Variants in ARHGAP35 observed in about 807,000 individuals in gnomAD.
The protein encoded by ARHGAP35 is Rho GTPase activating protein 35.
In ARHGAP35, 15 loss-of-function variants were observed where a neutral mutation model predicts 111.1. The observed-to-expected ratio is 0.13, with a 90% CI of 0.09 to 0.21. The LOEUF is 0.21. Ranked by LOEUF, ARHGAP35 falls within the 10% of genes least tolerant of loss-of-function variation. The pLI is 1.00. For synonymous variants in ARHGAP35, 643 were observed against 710.3 expected, an observed-to-expected ratio of 0.91 and a Z score of 1.51; for missense variants, 1,262 against 1,873.0, an observed-to-expected ratio of 0.67 and a Z score of 6.02.
chr19:46,869,095 T>A (rs415643), intron 1 of ARHGAP35, among the ~76,000 whole-genome samples: 143,460 of 151,638 alleles, frequency 0.95, 68,053 homozygotes, highest in African/African-American at 0.99. Context: ...TTTAGCAGAG[T>A]CGGGTTTCAC....
In ARHGAP35 at chr19:46,919,180, G is replaced by C; in HGVS notation, c.505G>C (p.Gly169Arg). 1 of 1,613,880 alleles carries C rather than the reference G, an allele frequency of 6.2e-7. No individual in the cohort carries two copies. The highest frequency in any genetic ancestry group is 8.5e-7 in the Non-Finnish European group (1 of 1,179,894). Reference sequence around the variant, plus strand: ...TCTTCTTGGTATTGATGTTAGCAGGGGCATGAATAGGAACTTTGATGACCA... The same window carrying C: ...TCTTCTTGGTATTGATGTTAGCAGGCGCATGAATAGGAACTTTGATGACCA... ...GFLLGIDVSR[G>R]MNRNFDDQLK... is the part of the protein sequence containing the mutation. The change falls in exon 2 of 7, where the codon GGC becomes CGC. Residue 169 changes from glycine (G) to arginine (R), a missense_variant. This residue lies in a region of ARHGAP35 where 125 missense variants were observed against 301.7 expected (regional missense o/e 0.41). Transcript: ENST00000672722. The surrounding 1 kb of genome is among the most constrained non-coding windows in gnomAD (Gnocchi z 6.2).
intron 1 of ARHGAP35, among the ~76,000 whole-genome samples, chr19:46,871,186 G>A (rs1246837958): frequency 1.8e-4 from 28 of 152,092 alleles, no homozygotes; most frequent in Admixed American, 1.8e-3. Flanking sequence ...TTTTCTACTC[G>A]TGTTGTTAAT....
chr19:46,902,649 G>T (rs773357409), intron 1 of ARHGAP35, among the ~76,000 whole-genome samples: 2 of 152,164 alleles, frequency 1.3e-5, no homozygotes, highest in Non-Finnish European at 2.9e-5. Flanking sequence ...GTTACAGTCA[G>T]TAAGGAAAAT....
chr19:46,983,343 G>T (rs980927064), intron 3 of ARHGAP35, among the ~76,000 whole-genome samples: 5 of 152,154 alleles, frequency 3.3e-5, no homozygotes, highest in African/African-American at 1.2e-4. Context: ...GTCTGGAGGG[G>T]TTATTGTGAG....
intron 1 of ARHGAP35, among the ~76,000 whole-genome samples, chr19:46,869,673 GTTC>G (rs763896204): frequency 1.3e-5 from 2 of 152,078 alleles, no homozygotes; most frequent in African/African-American, 2.4e-5. Flanking sequence ...ATTAAAAAGA[GTTC>G]TTTGTTCAGT....
chr19:46,936,480 G>A (rs539379592), intron 2 of ARHGAP35, among the ~76,000 whole-genome samples: 4 of 152,036 alleles, frequency 2.6e-5, no homozygotes, highest in Admixed American at 2.6e-4. Flanking sequence ...TTCTCATTTG[G>A]GTCTATCAGC....
In ARHGAP35 at chr19:46,901,209, A is replaced by G. The variant is rs2056082072; in HGVS notation, c.-188-17279A>G. 6.6e-6 allele frequency among the ~76,000 whole-genome samples: 1 copy of G among 152,186 alleles called. No homozygotes were observed. The highest frequency in any genetic ancestry group is 1.5e-5 in the Non-Finnish European group (1 of 68,030). ...AAGGAAGGCTACAGTGGCTAGTGAG[A>G]AAAAGGCAGAATGGTGGAGATGAGA... On this transcript the variant is annotated intron_variant, in intron 1 of 6. Transcript: ENST00000672722. The surrounding 1 kb of genome is among the most constrained non-coding windows in gnomAD (Gnocchi z 4.5).
intron 3 of ARHGAP35, among the ~76,000 whole-genome samples, chr19:46,956,087 G>A (rs983322600): frequency 6.6e-6 from 1 of 152,202 alleles, no homozygotes; most frequent in Non-Finnish European, 1.5e-5. Flanking sequence ...AGAGACCAGT[G>A]CGGGCAGATC....
Position 46,919,750 on chromosome 19 carries a change from G to C in ARHGAP35, c.1075G>C (p.Asp359His), listed in dbSNP as rs2056186368. 6.2e-7 allele frequency: 1 copy of C among 1,613,980 alleles called. No individual in the cohort carries two copies. ...EALIPNLDEI[D>H]HLSCIKAKKL... is the part of the protein sequence containing the mutation. ...TCTTATACCTAATCTAGATGAAATA[G>C]ACCACCTAAGCTGCATAAAAGCCAA... Residue 359 changes from aspartate to histidine, a missense_variant, in exon 2 of 7, where the codon GAC (aspartate) becomes CAC (histidine). Asp to His is a moderately conservative substitution (Grantham distance 81). This residue lies in a region of ARHGAP35 where 328 missense variants were observed against 440.8 expected (regional missense o/e 0.74). Coordinates refer to ENST00000672722, the MANE Select transcript of ARHGAP35 (RefSeq NM_004491.5). This position sits in a 1 kb window ranked among gnomAD's most constrained non-coding sequence, Gnocchi z 6.2.
intron 3 of ARHGAP35, among the ~76,000 whole-genome samples, chr19:46,976,652 G>A (rs895371072): frequency 6.6e-6 from 1 of 152,242 alleles, no homozygotes; most frequent in African/African-American, 2.4e-5. Context: ...TGGCCTGAGC[G>A]TGCCAACCAG....
At chr19:46,871,800 G>C (rs1049845924) in intron 1 of ARHGAP35, among the ~76,000 whole-genome samples, 1 of 151,696 alleles carries the variant, frequency 6.6e-6, no homozygotes, top group African/African-American at 2.4e-5. Context: ...CCAACATGGT[G>C]AAACCCTGTC....
At chr19:46,938,081 G>A (rs1438372535) in intron 3 of ARHGAP35, among the ~76,000 whole-genome samples, 1 of 152,178 alleles carries the variant, frequency 6.6e-6, no homozygotes, top group African/African-American at 2.4e-5. Context: ...TGGCCTTCCA[G>A]TTTCACTAAG....
intron 1 of ARHGAP35, among the ~76,000 whole-genome samples, chr19:46,898,620 T>A (rs2056069217): frequency 6.6e-6 from 1 of 152,222 alleles, no homozygotes; most frequent in Non-Finnish European, 1.5e-5. Flanking sequence ...TAGAAACCAC[T>A]CTAGATAGTT....
intron 1 of ARHGAP35, among the ~76,000 whole-genome samples, chr19:46,882,074 G>A (rs1221694087): frequency 6.6e-6 from 1 of 151,928 alleles, no homozygotes; most frequent in African/African-American, 2.4e-5. Context: ...ATTAGGTTTT[G>A]GTTTAAGGGA....
intron 1 of ARHGAP35, among the ~76,000 whole-genome samples, chr19:46,868,961 A>C (rs1465527866): frequency 7.9e-6 from 1 of 126,002 alleles, no homozygotes; most frequent in Non-Finnish European, 1.6e-5. Context: ...GCTGGAGCAC[A>C]GTGGTACCAT....
At chr19:46,958,671 C>T (rs1334878190) in intron 3 of ARHGAP35, among the ~76,000 whole-genome samples, 2 of 152,208 alleles carry the variant, frequency 1.3e-5, no homozygotes, top group African/African-American at 2.4e-5. Context: ...TATGTATGAT[C>T]CTGCACACCA....
intron 1 of ARHGAP35, among the ~76,000 whole-genome samples, chr19:46,881,192 G>A (rs533589880): frequency 2.6e-5 from 4 of 152,052 alleles, no homozygotes; most frequent in Admixed American, 6.6e-5. Context: ...CACCCACCTC[G>A]GCCTCCCAAA....
intron 1 of ARHGAP35, among the ~76,000 whole-genome samples, chr19:46,894,692 C>T (rs965025262): frequency 5.3e-5 from 8 of 151,988 alleles, no homozygotes; most frequent in Non-Finnish European, 5.9e-5. Flanking sequence ...GTGATCTGCC[C>T]GCCTCAGCCT....
At chr19:46,981,727 C>A (rs760135607) in intron 3 of ARHGAP35, among the ~76,000 whole-genome samples, 1 of 152,194 alleles carries the variant, frequency 6.6e-6, no homozygotes, top group East Asian at 1.9e-4. Flanking sequence ...ACAGGGCAGT[C>A]GAAGGGCTGA....
Sources: allele counts gnomAD v4.1 joint callset (sites outside exome capture counted in the v4.1 genomes callset), GRCh38; gene constraint gnomAD v4.1.1; regional missense constraint gnomAD v4.1.1; non-coding constraint Gnocchi (gnomAD v3.1); transcripts MANE v1.5; gene names NCBI Gene and HGNC (gene_info 2026-07-23, HGNC 2026-07-21).